Variants in PLEKHA6 observed in about 807,000 individuals in gnomAD.
PLEKHA6 encodes pleckstrin homology domain-containing family A member 6.
In PLEKHA6, 60 loss-of-function variants were observed where a neutral mutation model predicts 116.7. The observed-to-expected ratio is 0.51, with a 90% CI of 0.42 to 0.64. The LOEUF (loss-of-function observed/expected upper bound fraction) is 0.64, where lower values mean the gene tolerates loss of function less well. Ranked by LOEUF, PLEKHA6 falls within the 30% of genes least tolerant of loss-of-function variation. PLEKHA6 has a pLI of 0.00. For missense variants in PLEKHA6, 1,338 were observed against 1,422.7 expected (o/e 0.94, Z 0.96); for synonymous variants, 489 against 556.1 (o/e 0.88, Z 1.70).
At chr1:204,307,814 GTGCTCTCCAC>G (rs1237815943) in intron 1 of PLEKHA6, 2 of 961,508 alleles carry the variant, frequency 2.1e-6, no homozygotes, top group African/African-American at 3.5e-5. Context: ...GCCCTGCCAG[GTGCTCTCCAC>G]TGTCTCTCCC....
intron 1 of PLEKHA6, among the ~76,000 whole-genome samples, chr1:204,351,989 G>A (rs756445737): frequency 3.9e-5 from 6 of 152,178 alleles, no homozygotes; most frequent in Admixed American, 1.3e-4. Context: ...CAAGAGAATC[G>A]TTTGAACCTG....
At chr1:204,225,965 T>C (rs988646401) in intron 21 of PLEKHA6, among the ~76,000 whole-genome samples, 8 of 152,210 alleles carry the variant, frequency 5.3e-5, no homozygotes, top group Admixed American at 2.6e-4. Context: ...CCGGGTGGAT[T>C]TGTAAGCATA....
In PLEKHA6 at chr1:204,326,957, T is replaced by A. The variant is rs145730710; in HGVS notation, c.-95+32737A>T. ...GGGGCCTCCGCACTTAGGCAGGGAG[T>A]GGTCCAGGCAGAAGCGCGCTGGGTA... On this transcript the variant is annotated intron_variant, in intron 1 of 22. Transcript: ENST00000272203. The A allele has an allele frequency of 2.8e-5, 28 of 984,238 alleles. 1 individual carries two copies. The East Asian group carries it at 2.9e-3, about 100-fold the overall frequency. The allele number at this position is 984,238 out of a possible 1,614,324, so 61.0% of individuals were successfully genotyped here. A position where few individuals can be genotyped will look rare whatever the true frequency, so the allele number is the denominator to read the frequency against.
At chr1:204,282,872 T>G (rs1668772715) in intron 1 of PLEKHA6, 3 of 897,040 alleles carry the variant, frequency 3.3e-6, no homozygotes, top group African/African-American at 3.6e-5. Context: ...CCTCTCAGCC[T>G]TTCCTCAGTA....
At chr1:204,318,360 G>C (rs1199276902) in intron 1 of PLEKHA6, among the ~76,000 whole-genome samples, 1 of 152,228 alleles carries the variant, frequency 6.6e-6, no homozygotes, top group Admixed American at 6.5e-5. Context: ...CTGTACAAGT[G>C]AGGAAACTGA....
chr1:204,304,956 T>C (rs970137964), intron 1 of PLEKHA6, among the ~76,000 whole-genome samples: 3 of 152,342 alleles, frequency 2.0e-5, no homozygotes, highest in Admixed American at 6.5e-5. Context: ...TCTACCACCC[T>C]ACTGAAACCT....
chr1:204,251,190 A>G (rs1664505231), intron 9 of PLEKHA6, among the ~76,000 whole-genome samples: 1 of 152,180 alleles, frequency 6.6e-6, no homozygotes, highest in Non-Finnish European at 1.5e-5. Context: ...AGATGGTTCC[A>G]TTACACCCCT....
chr1:204,259,879 T>C lies in PLEKHA6; in HGVS notation c.525-139A>G. 5 of 873,926 alleles carry C rather than the reference T, an allele frequency of 5.7e-6. No individual in the cohort carries two copies. The highest frequency in any genetic ancestry group is 8.5e-6 in the Non-Finnish European group (5 of 585,970). The allele number at this position is 873,926 out of a possible 1,614,324, so 54.1% of individuals were successfully genotyped here. A position where few individuals can be genotyped will look rare whatever the true frequency, so the allele number is the denominator to read the frequency against. ...GAACCAGGATTCTATGAACTCCAGT[T>C]CTGCTTCCTAAGTCCCACCCCTTCA... On this transcript the variant is annotated intron_variant, in intron 7 of 22. Transcript: ENST00000272203. This position sits in a 1 kb window ranked among gnomAD's most constrained non-coding sequence, Gnocchi z 4.6.
intron 1 of PLEKHA6, among the ~76,000 whole-genome samples, chr1:204,333,150 C>T (rs980485507): frequency 1.3e-5 from 2 of 152,106 alleles, no homozygotes; most frequent in African/African-American, 4.8e-5. Context: ...CTCCACCAGG[C>T]GGGAAATGAA....
At position 204,261,534 on chromosome 1, in the gene PLEKHA6, A is replaced by G; in HGVS notation, c.382-86T>C. On this transcript the variant is annotated intron_variant, in intron 6 of 22. Coordinates refer to ENST00000272203, the MANE Select transcript of PLEKHA6 (RefSeq NM_014935.5). The surrounding 1 kb of genome is among the most constrained non-coding windows in gnomAD (Gnocchi z 4.0). ...CTGTTGGGAGAAGACACCAACGCCC[A>G]CAGAATGGGCAGTCAGTTGGGCCAT... 1 of 1,433,824 alleles carries G rather than the reference A, an allele frequency of 7.0e-7. No homozygotes were observed. Among genetic ancestry groups the G allele is most frequent in the South Asian group, 1.4e-5 (1 of 72,806 alleles). The allele number at this position is 1,433,824 out of a possible 1,614,324, so 88.8% of individuals were successfully genotyped here.
At chr1:204,237,997 G>A (rs528191072) in intron 17 of PLEKHA6, among the ~76,000 whole-genome samples, 4 of 152,216 alleles carry the variant, frequency 2.6e-5, no homozygotes, top group Non-Finnish European at 5.9e-5. Context: ...TATGGGGCCT[G>A]TTGAGATATT....
intron 1 of PLEKHA6, among the ~76,000 whole-genome samples, chr1:204,332,983 G>A (rs1672512572): frequency 1.3e-5 from 2 of 152,186 alleles, no homozygotes; most frequent in Admixed American, 6.5e-5. Context: ...TATCATAAAC[G>A]AAAGTTCCTG....
Position 204,257,687 on chromosome 1 carries a change from C to T in PLEKHA6, c.1190G>A (p.Arg397His), listed in dbSNP as rs771104660. Residue 397 changes from arginine (R) to histidine (H), a missense_variant, in exon 9 of 23, where the codon CGC becomes CAC. Physicochemically the swap from Arg to His is conservative, Grantham distance 29. Coordinates refer to ENST00000272203, the MANE Select transcript of PLEKHA6 (RefSeq NM_014935.5). The surrounding 1 kb of genome is among the most constrained non-coding windows in gnomAD (Gnocchi z 6.5). ...CTGGTAGGCAGGGCCACCCCCATTG[C>T]GGAAGGCATGGCGCTTGTCCTCCAG... ...WALEDKRHAF[R>H]NGGGPAYQLR... The T allele has an allele frequency of 3.7e-6, 6 of 1,610,926 alleles. No homozygotes were observed. The highest frequency in any genetic ancestry group is 2.2e-5 in the East Asian group (1 of 44,840).
At chr1:204,320,390 T>C (rs1672017137) in intron 1 of PLEKHA6, 2 of 575,004 alleles carry the variant, frequency 3.5e-6, no homozygotes, top group Non-Finnish European at 4.4e-6. Context: ...GAAGGAGCCA[T>C]GCCCTCCATC....
chr1:204,321,340 T>C (rs543100848), intron 1 of PLEKHA6, among the ~76,000 whole-genome samples: 32 of 152,174 alleles, frequency 2.1e-4, no homozygotes, highest in South Asian at 6.2e-4. Flanking sequence ...AAATTGATTG[T>C]GCCCCATGTC....
rs1449786984 is a variant in PLEKHA6 at position 204,277,041 on chromosome 1, C to T, written c.-94-2232G>A. On this transcript the variant is annotated intron_variant, in intron 1 of 22. Coordinates refer to ENST00000272203, the MANE Select transcript of PLEKHA6 (RefSeq NM_014935.5). This position sits in a 1 kb window ranked among gnomAD's most constrained non-coding sequence, Gnocchi z 4.1. The stretch of plus-strand genomic sequence containing the variant: ...AAACTTCAACATCTTTTTGGCAGCT[C>T]CGTCCCCAGTTTGGCAGCCTCAGAG... 1 of 152,722 alleles carries T rather than the reference C, an allele frequency of 6.5e-6. No individual in the cohort carries two copies. Among genetic ancestry groups the T allele is most frequent in the Non-Finnish European group, 1.5e-5 (1 of 68,116 alleles). The allele number at this position is 152,722 out of a possible 1,614,324, so 9.5% of individuals were successfully genotyped here.
Position 204,248,847 on chromosome 1 carries a change from G to C in PLEKHA6, c.1798C>G (p.Arg600Gly). ...GTGGTCGCCTGAGACAGCTCCACGCGGATGTTGATGAGCTGGTTCTGCAGT... is the reference window on the plus strand; with the variant it reads ...GTGGTCGCCTGAGACAGCTCCACGCCGATGTTGATGAGCTGGTTCTGCAGT... ...DSLQNQLINI[R>G]VELSQATTAL... The change falls in exon 12 of 23, where the codon CGC becomes GGC. Residue 600 changes from arginine to glycine, a missense_variant. This residue lies in a region of PLEKHA6 where 1,136 missense variants were observed against 1,163.6 expected (regional missense o/e 0.98). Coordinates refer to ENST00000272203, the MANE Select transcript of PLEKHA6 (RefSeq NM_014935.5). 6.2e-7 allele frequency: 1 copy of C among 1,614,014 alleles called. No homozygotes were observed. The highest frequency in any genetic ancestry group is 8.5e-7 in the Non-Finnish European group (1 of 1,179,958).
intron 1 of PLEKHA6, among the ~76,000 whole-genome samples, chr1:204,321,413 G>A (rs1672056671): frequency 6.6e-6 from 1 of 151,692 alleles, no homozygotes; most frequent in South Asian, 2.1e-4. Flanking sequence ...GCTTTTCACA[G>A]GCTGGCCCAC....
chr1:204,370,440 C>T (rs939364380), intron 2 of PLEKHA6, among the ~76,000 whole-genome samples: 2 of 152,240 alleles, frequency 1.3e-5, no homozygotes, highest in Non-Finnish European at 2.9e-5. Context: ...TATCTCCCCG[C>T]ACTGTGACCC....
Sources: allele counts gnomAD v4.1 joint callset (sites outside exome capture counted in the v4.1 genomes callset), GRCh38; gene constraint gnomAD v4.1.1; regional missense constraint gnomAD v4.1.1; non-coding constraint Gnocchi (gnomAD v3.1); transcripts MANE v1.5; gene names NCBI Gene and HGNC (gene_info 2026-07-23, HGNC 2026-07-21).